The following CHSY3 variants were observed in gnomAD, a reference collection of about 807,000 sequenced individuals.
CHSY3 encodes the protein chondroitin sulfate synthase 3, also known as N-acetylgalactosaminyl-proteoglycan 3-beta-glucuronosyltransferase 3.
In CHSY3, 35 loss-of-function variants were observed where a neutral mutation model predicts 67.2. The observed-to-expected ratio is 0.52, with a 90% confidence interval of 0.40 to 0.69. The LOEUF (loss-of-function observed/expected upper bound fraction) is 0.69. Ranked by LOEUF, CHSY3 falls within the 30% of genes least tolerant of loss-of-function variation. The pLI is 0.00. For synonymous variants in CHSY3, 474 were observed against 434.7 expected, an observed-to-expected ratio of 1.09 and a Z score of -1.12; for missense variants, 1,069 against 1,138.5, an observed-to-expected ratio of 0.94 and a Z score of 0.88.
Position 130,105,571 on chromosome 5 carries a change from T to C in CHSY3, c.1087-78658T>C, listed in dbSNP as rs1483267753. 3.3e-5 allele frequency among the ~76,000 whole-genome samples: 5 copies of C among 151,708 alleles called. No homozygotes were observed. The East Asian group carries it at 9.6e-4, about 29-fold the overall frequency. ...CATAGGCCCTGTTTCATTCTGGAAA[T>C]AGTTTGGAGTTATGCTGTCATATTA... On this transcript the variant is annotated intron_variant, in intron 2 of 2. Transcript: ENST00000305031.
intron 2 of CHSY3, among the ~76,000 whole-genome samples, chr5:130,111,481 AG>A (rs1438122731): frequency 3.3e-5 from 5 of 152,142 alleles, no homozygotes; most frequent in African/African-American, 1.2e-4. Flanking sequence ...AAAAAGCTCT[AG>A]GCAACAGAGC....
intron 2 of CHSY3, chr5:130,001,553 C>G: frequency 1.1e-6 from 1 of 885,002 alleles, no homozygotes; most frequent in Non-Finnish European, 1.4e-6. Flanking sequence ...CATGGAGAGT[C>G]CCTCCTGTCC....
At chr5:129,951,368 G>T (rs560494913) in intron 2 of CHSY3, among the ~76,000 whole-genome samples, 1 of 151,664 alleles carries the variant, frequency 6.6e-6, no homozygotes, top group Admixed American at 6.6e-5. Flanking sequence ...TAAATCTCAG[G>T]CAACAAAAGC....
At position 130,185,679 on chromosome 5, in the gene CHSY3, A is replaced by G. The variant is rs773864506; in HGVS notation, c.2537A>G (p.Gln846Arg). Reference protein sequence around the residue: ...VHCDPNLDPKQYKMCLGSKAS... With the variant: ...VHCDPNLDPKRYKMCLGSKAS... ...TGTGATCCTAACTTGGACCCTAAGCAGTATAAGATGTGCTTAGGATCCAAG... is the reference window on the plus strand; with the variant it reads ...TGTGATCCTAACTTGGACCCTAAGCGGTATAAGATGTGCTTAGGATCCAAG... The change falls in exon 3 of 3, where the codon CAG (glutamine) becomes CGG (arginine). Residue 846 changes from glutamine to arginine, a missense_variant. By Grantham distance (43) the Gln-to-Arg change is conservative. Coordinates refer to ENST00000305031, the MANE Select transcript of CHSY3 (RefSeq NM_175856.5). 12 of 1,613,944 alleles carry G rather than the reference A, an allele frequency of 7.4e-6. No homozygotes were observed. The highest frequency in any genetic ancestry group is 1.7e-5 in the Admixed American group (1 of 59,992).
rs990039788 is a variant in CHSY3, at chr5:130,027,379, A to C, written c.1086+119019A>C. 2.0e-5 allele frequency among the ~76,000 whole-genome samples: 3 copies of C among 152,246 alleles called. No homozygotes were observed. The East Asian group carries it at 5.8e-4, about 29-fold the overall frequency. ...CTGTGAACATTTATGTCACCTGTAAAAGAAATATGATAATAGGCTTACCAT... is the reference window on the plus strand; with the variant it reads ...CTGTGAACATTTATGTCACCTGTAACAGAAATATGATAATAGGCTTACCAT... On this transcript the variant is annotated intron_variant, in intron 2 of 2. Transcript: ENST00000305031.
intron 2 of CHSY3, among the ~76,000 whole-genome samples, chr5:130,020,375 G>C (rs548377414): frequency 6.8e-6 from 1 of 147,828 alleles, no homozygotes; most frequent in East Asian, 2.0e-4. Flanking sequence ...AGCTGAGATC[G>C]TGCCACTGCA....
chr5:130,183,263 C>T (rs1486336477), intron 2 of CHSY3, among the ~76,000 whole-genome samples: 1 of 151,940 alleles, frequency 6.6e-6, no homozygotes. Flanking sequence ...ATTTTTGTTT[C>T]TGCCTGAACT....
At chr5:130,027,410 T>TA (rs1429878211) in intron 2 of CHSY3, among the ~76,000 whole-genome samples, 1 of 152,144 alleles carries the variant, frequency 6.6e-6, no homozygotes, top group Non-Finnish European at 1.5e-5. Flanking sequence ...ACCATGAGGA[T>TA]TAAACAAGGC....
intron 2 of CHSY3, among the ~76,000 whole-genome samples, chr5:129,962,651 T>C (rs1220728513): frequency 1.3e-5 from 2 of 152,014 alleles, no homozygotes; most frequent in Admixed American, 6.6e-5. Flanking sequence ...TCTCATGCTC[T>C]CTGCTCTCTG....
chr5:130,172,006 T>C (rs1370382328), intron 2 of CHSY3, among the ~76,000 whole-genome samples: 1 of 152,142 alleles, frequency 6.6e-6, no homozygotes, highest in Non-Finnish European at 1.5e-5. Context: ...CTGTGTTCAG[T>C]GCTCTCAATA....
chr5:130,009,127 G>A (rs555674952), intron 2 of CHSY3, among the ~76,000 whole-genome samples: 10 of 152,000 alleles, frequency 6.6e-5, no homozygotes, highest in African/African-American at 1.2e-4. Context: ...TTGCAAAATC[G>A]TATACAAGAT....
chr5:130,156,508 G>T (rs1355408693), intron 2 of CHSY3, among the ~76,000 whole-genome samples: 2 of 152,164 alleles, frequency 1.3e-5, no homozygotes, highest in Non-Finnish European at 2.9e-5. Flanking sequence ...CAGAAAAGTG[G>T]AATGACAAAG....
At chr5:130,104,278 A>C (rs1006639784) in intron 2 of CHSY3, among the ~76,000 whole-genome samples, 1 of 151,938 alleles carries the variant, frequency 6.6e-6, no homozygotes. Context: ...GATTAAACAC[A>C]CATTTTAGCA....
intron 2 of CHSY3, among the ~76,000 whole-genome samples, chr5:130,015,917 A>C (rs1415902326): frequency 6.6e-6 from 1 of 152,202 alleles, no homozygotes; most frequent in African/African-American, 2.4e-5. Flanking sequence ...AATGAATGAA[A>C]TCATGTCCTT....
chr5:130,120,119 C>T (rs1342070283), intron 2 of CHSY3, among the ~76,000 whole-genome samples: 1 of 152,090 alleles, frequency 6.6e-6, no homozygotes, highest in Non-Finnish European at 1.5e-5. Flanking sequence ...TTTTAAAAAT[C>T]TACTAAAAAA....
chr5:129,905,177 C>A lies in CHSY3; in HGVS notation c.348C>A (p.Arg116=), dbSNP rs1456688533. 2 of 1,523,736 alleles carry A rather than the reference C, an allele frequency of 1.3e-6. No homozygotes were observed. The highest frequency in any genetic ancestry group is 1.8e-6 in the Non-Finnish European group (2 of 1,142,054). 94.4% of individuals were successfully genotyped at this position (1,523,736 alleles called of 1,614,324 possible). ...CGCTGCAGCAGCGGCGGCGAGGACG[C>A]GAGCCTGAGGGCGCGACGGGGCTTC... ...PPPLQQRRRG[R]EPEGATGLPG... Residue 116 remains arginine, a synonymous_variant, in exon 1 of 3, where the codon CGC becomes CGA. Transcript: ENST00000305031.
Position 130,058,176 on chromosome 5 carries a change from A to G in CHSY3, c.1087-126053A>G, listed in dbSNP as rs377304383. ...TGTATTGTCACTATACTTAACAACA[A>G]TCTGTATTTGTTGGTCATATTGATT... is the stretch of plus-strand genomic sequence containing the variant. On this transcript the variant is annotated intron_variant, in intron 2 of 2. Transcript: ENST00000305031. 1.3e-4 allele frequency among the ~76,000 whole-genome samples: 20 copies of G among 152,214 alleles called. No homozygotes were observed. In the South Asian group the frequency reaches 3.7e-3, roughly 28 times the overall value.
intron 2 of CHSY3, among the ~76,000 whole-genome samples, chr5:130,014,570 G>C (rs994549608): frequency 4.6e-5 from 7 of 152,082 alleles, no homozygotes; most frequent in Non-Finnish European, 8.8e-5. Flanking sequence ...GAACAGCATG[G>C]GGGAATCTCC....
chr5:129,994,499 C>T (rs991897514), intron 2 of CHSY3, among the ~76,000 whole-genome samples: 9 of 152,016 alleles, frequency 5.9e-5, no homozygotes, highest in Admixed American at 3.3e-4. Flanking sequence ...TCCAGTTGAT[C>T]GCATCAGCTA....
Sources: allele counts gnomAD v4.1 joint callset (sites outside exome capture counted in the v4.1 genomes callset), GRCh38; gene constraint gnomAD v4.1.1; transcripts MANE v1.5; gene names NCBI Gene and HGNC (gene_info 2026-07-23, HGNC 2026-07-21).